VWA8: variants seen among roughly 807,000 people sequenced by gnomAD.
The protein encoded by VWA8 is von Willebrand factor A domain containing 8.
In VWA8, 221 loss-of-function variants were observed where a neutral mutation model predicts 241.5. The ratio of observed to expected loss-of-function variants is 0.91; its 90% CI spans 0.82 to 1.02. The LOEUF (loss-of-function observed/expected upper bound fraction) is 1.02. VWA8 is among the 50% of genes least tolerant of loss of function. The probability of loss-of-function intolerance (pLI) is 0.00; values close to 1 mark genes in which losing one functional copy is unlikely to be tolerated. For synonymous variants in VWA8, 852 were observed against 827.1 expected, an observed-to-expected ratio of 1.03 and a Z score of -0.52; for missense variants, 2,322 against 2,328.7, an observed-to-expected ratio of 1.00 and a Z score of 0.06.
intron 39 of VWA8, among the ~76,000 whole-genome samples, chr13:41,608,695 G>T (rs527294796): frequency 6.6e-6 from 1 of 152,326 alleles, no homozygotes; most frequent in African/African-American, 2.4e-5. Context: ...AATCTCCACA[G>T]CTGGTGCCTA....
At chr13:41,877,899 T>C (rs1275271253) in intron 9 of VWA8, among the ~76,000 whole-genome samples, 2 of 152,062 alleles carry the variant, frequency 1.3e-5, no homozygotes, top group Non-Finnish European at 2.9e-5. Context: ...GTTTTTAGAG[T>C]ATGAACATCA....
At chr13:41,779,034 G>C (rs1301482804) in intron 19 of VWA8, among the ~76,000 whole-genome samples, 1 of 150,258 alleles carries the variant, frequency 6.7e-6, no homozygotes, top group African/African-American at 2.4e-5. Context: ...GTAGAGACAG[G>C]GTTTCACCGT....
chr13:41,943,563 T>C (rs1201954865), intron 2 of VWA8, among the ~76,000 whole-genome samples: 1 of 152,178 alleles, frequency 6.6e-6, no homozygotes, highest in African/African-American at 2.4e-5. Flanking sequence ...AACCAAAAGA[T>C]ATCAATGAGA....
At chr13:41,862,869 A>C (rs1293408155) in intron 12 of VWA8, among the ~76,000 whole-genome samples, 1 of 152,142 alleles carries the variant, frequency 6.6e-6, no homozygotes, top group East Asian at 1.9e-4. Flanking sequence ...CAGTTTGGAG[A>C]CTCCTCAAAC....
chr13:41,944,352 T>G (rs1471009608), intron 2 of VWA8, among the ~76,000 whole-genome samples: 1 of 152,124 alleles, frequency 6.6e-6, no homozygotes, highest in Non-Finnish European at 1.5e-5. Context: ...TCCCTAGCTC[T>G]GTGATTGTTT....
At chr13:41,953,992 T>C (rs780180215) in intron 1 of VWA8, among the ~76,000 whole-genome samples, 35 of 152,146 alleles carry the variant, frequency 2.3e-4, no homozygotes, top group Non-Finnish European at 2.9e-4. Context: ...ATTGGACTCA[T>C]TGGGAAACAG....
chr13:41,701,080 A>C (rs2045246098), intron 28 of VWA8, among the ~76,000 whole-genome samples: 1 of 152,032 alleles, frequency 6.6e-6, no homozygotes, highest in South Asian at 2.1e-4. Flanking sequence ...CAGCCAAAAA[A>C]CCCAATGTTT....
chr13:41,586,191 A>G (rs2044417125), intron 42 of VWA8, among the ~76,000 whole-genome samples: 1 of 152,118 alleles, frequency 6.6e-6, no homozygotes, highest in Non-Finnish European at 1.5e-5. Context: ...GAAAACTTAT[A>G]CCTGAAGGGA....
rs369501025 is a variant in VWA8, at chr13:41,664,539, T to C, written c.4611+6407A>G. Among the ~76,000 whole-genome samples the C allele has an allele frequency of 5.7e-4, 87 of 152,160 alleles. No homozygotes were observed. The East Asian group carries it at 7.5e-3, about 13-fold the overall frequency. The stretch of plus-strand genomic sequence containing the variant: ...AAAAAAAGCAGACTTTCACTTTATC[T>C]TCTTGTTGTATGGTTTCCCTCCTGT... On this transcript the variant is annotated intron_variant, in intron 37 of 44. Transcript: ENST00000379310.
At position 41,731,944 on chromosome 13, in the gene VWA8, C is replaced by T. The variant is rs1000309751; in HGVS notation, c.2502+136G>A. 2.1e-5 allele frequency: 14 copies of T among 670,414 alleles called. No homozygotes were observed. The Admixed American group carries it at 2.1e-4, about 10-fold the overall frequency. 41.5% of individuals were successfully genotyped at this position (670,414 alleles called of 1,614,324 possible). ...AAACCTTTTTCTTTATAAATTACCC[C>T]GTCTCAGGTATGTCTTTATAAGCAG... On this transcript the variant is annotated intron_variant, in intron 22 of 44. Transcript: ENST00000379310.
chr13:41,868,291 T>C, intron 10 of VWA8, 55 bp downstream of exon 10: 1 of 1,603,612 alleles, frequency 6.2e-7, no homozygotes, highest in Non-Finnish European at 8.5e-7. Flanking sequence ...ATTTAGGTCA[T>C]AAAAACAGGC....
chr13:41,907,593 A>G lies in VWA8; in HGVS notation c.476T>C (p.Ile159Thr), dbSNP rs113016627. The stretch of plus-strand genomic sequence containing the variant: ...GAGTGTGACAGAACTTGCCTGATCA[A>G]TGTAAAAGGCTGTGCCTGCACGGAT... ...REIRAGTAFYIDQCAVRAATE... is the reference protein window; with the variant it reads ...REIRAGTAFYTDQCAVRAATE... The change falls in exon 4 of 45, where the codon ATT becomes ACT. Residue 159 changes from isoleucine to threonine, a missense_variant. Coordinates refer to ENST00000379310, the MANE Select transcript of VWA8 (RefSeq NM_015058.2). 4.9e-5 allele frequency: 79 copies of G among 1,614,022 alleles called. No homozygotes were observed. The highest frequency in any genetic ancestry group is 6.7e-5 in the Non-Finnish European group (79 of 1,179,980).
intron 21 of VWA8, among the ~76,000 whole-genome samples, chr13:41,746,543 G>A (rs1446792458): frequency 6.6e-6 from 1 of 152,062 alleles, no homozygotes; most frequent in African/African-American, 2.4e-5. Context: ...ACCCAGCTGG[G>A]GAGGAACATC....
rs540518464 is a variant in VWA8 at position 41,835,858 on chromosome 13, T to C, written c.1426-2327A>G. ...TGGTATGAATCATTCCAGAAAAATA[T>C]TTGCCATAGAGTTACATCACACATT... On this transcript the variant is annotated intron_variant, in intron 12 of 44. Transcript: ENST00000379310. Among the ~76,000 whole-genome samples, 6 of 152,144 alleles carry C rather than the reference T, an allele frequency of 3.9e-5. 1 individual carries two copies. Among genetic ancestry groups the C allele is most frequent in the African/African-American group, 1.4e-4 (6 of 41,510 alleles).
chr13:41,829,528 G>GAT lies in VWA8; in HGVS notation c.1700+999_1700+1000dup, dbSNP rs1328743906. Among the ~76,000 whole-genome samples, 4 of 85,950 alleles carry GAT rather than the reference G, an allele frequency of 4.7e-5. No homozygotes were observed. The East Asian group carries it at 1.5e-3, about 32-fold the overall frequency. The allele number at this position is 85,950 out of a possible 152,430, so 56.4% of individuals were successfully genotyped here. A position where few individuals can be genotyped will look rare whatever the true frequency, so the allele number is the denominator to read the frequency against. ...ACCAACGAGTGGATAAAGGAAATGT[G>GAT]ATACACACACACACACACACACACA... On this transcript the variant is annotated intron_variant, in intron 14 of 44. Transcript: ENST00000379310.
intron 40 of VWA8, among the ~76,000 whole-genome samples, chr13:41,594,645 G>A (rs1333697132): frequency 1.3e-5 from 2 of 152,268 alleles, no homozygotes; most frequent in African/African-American, 4.8e-5. Flanking sequence ...GTAGCTGGAG[G>A]ACACACAGCT....
At chr13:41,822,052 G>C (rs1870981900) in intron 14 of VWA8, among the ~76,000 whole-genome samples, 1 of 152,124 alleles carries the variant, frequency 6.6e-6, no homozygotes, top group African/African-American at 2.4e-5. Context: ...AGGATACTTT[G>C]AGGATTATAG....
chr13:41,871,583 A>G (rs1430816902), intron 9 of VWA8, among the ~76,000 whole-genome samples: 1 of 152,002 alleles, frequency 6.6e-6, no homozygotes, highest in Admixed American at 6.6e-5. Flanking sequence ...GCAATAGTTT[A>G]CTGAGAATGA....
intron 12 of VWA8, among the ~76,000 whole-genome samples, chr13:41,844,614 G>A (rs947686627): frequency 3.9e-5 from 6 of 152,074 alleles, no homozygotes; most frequent in Non-Finnish European, 8.8e-5. Flanking sequence ...TCAAAATGCT[G>A]CTAGAACAGA....
Sources: allele counts gnomAD v4.1 joint callset (sites outside exome capture counted in the v4.1 genomes callset), GRCh38; gene constraint gnomAD v4.1.1; transcripts MANE v1.5; gene names NCBI Gene and HGNC (gene_info 2026-07-23, HGNC 2026-07-21).